DPYD: variants seen among roughly 807,000 people sequenced by gnomAD.
DPYD encodes the protein dihydropyrimidine dehydrogenase.
DPYD carries 109 observed loss-of-function variants against 116.2 expected under a neutral mutation model. The ratio of observed to expected loss-of-function variants is 0.94; its 90% confidence interval spans 0.80 to 1.10. The LOEUF (loss-of-function observed/expected upper bound fraction) is 1.10. Ranked by LOEUF, DPYD falls within the 50% of genes least tolerant of loss-of-function variation. DPYD has a pLI of 0.00. For missense variants in DPYD, 1,302 were observed against 1,254.5 expected (o/e 1.04, Z -0.57); for synonymous variants, 440 against 432.0 (o/e 1.02, Z -0.23).
chr1:97,761,251 A>T (rs1665556757), intron 3 of DPYD, among the ~76,000 whole-genome samples: 1 of 152,124 alleles, frequency 6.6e-6, no homozygotes, highest in Admixed American at 6.6e-5. Context: ...ACAAGGAAAA[A>T]CTAATACCAA....
chr1:97,498,234 A>G (rs1385535541), intron 13 of DPYD, among the ~76,000 whole-genome samples: 1 of 151,760 alleles, frequency 6.6e-6, no homozygotes, highest in East Asian at 1.9e-4. Context: ...TTTTGAAATT[A>G]GATAGTGATG....
At chr1:97,618,764 C>T (rs1160624972) in intron 8 of DPYD, among the ~76,000 whole-genome samples, 1 of 152,214 alleles carries the variant, frequency 6.6e-6, no homozygotes, top group East Asian at 1.9e-4. Context: ...GATTTTAATC[C>T]AGGCAATCAG....
At chr1:97,751,458 G>GTATATATATATATATATA (rs1345170970) in intron 3 of DPYD, among the ~76,000 whole-genome samples, 2 of 22,054 alleles carry the variant, frequency 9.1e-5, no homozygotes. Flanking sequence ...GTGTGTGTGT[G>GTATATATATATATATATA]TGTATATATA....
At chr1:97,385,641 A>T (rs1200093217) in intron 14 of DPYD, among the ~76,000 whole-genome samples, 2 of 152,036 alleles carry the variant, frequency 1.3e-5, no homozygotes, top group African/African-American at 4.8e-5. Flanking sequence ...GTGGCTGCTC[A>T]ATCAGCACAG....
chr1:97,550,482 T>C (rs774125920), intron 11 of DPYD, among the ~76,000 whole-genome samples: 1 of 152,090 alleles, frequency 6.6e-6, no homozygotes, highest in Non-Finnish European at 1.5e-5. Flanking sequence ...AAGAAAAATA[T>C]CTAACGAACA....
At chr1:97,600,920 TAAG>T (rs1198290652) in intron 8 of DPYD, among the ~76,000 whole-genome samples, 1 of 152,158 alleles carries the variant, frequency 6.6e-6, no homozygotes, top group Non-Finnish European at 1.5e-5. Flanking sequence ...TGTAGCCACA[TAAG>T]AGTATTATTC....
intron 16 of DPYD, among the ~76,000 whole-genome samples, chr1:97,333,970 G>C (rs1669160639): frequency 6.6e-6 from 1 of 152,176 alleles, no homozygotes; most frequent in Non-Finnish European, 1.5e-5. Context: ...GTTTTAGCCA[G>C]TGCTCAATTC....
At chr1:97,541,619 T>C (rs1253186803) in intron 12 of DPYD, among the ~76,000 whole-genome samples, 1 of 152,214 alleles carries the variant, frequency 6.6e-6, no homozygotes, top group African/African-American at 2.4e-5. Context: ...AATAAAATTA[T>C]AAGCTTTGGT....
rs202212118 is a variant in DPYD, at chr1:97,306,285, C to A, written c.2071G>T (p.Val691Leu). The change falls in exon 17 of 23, where the codon GTG becomes TTG. Residue 691 changes from valine (V) to leucine (L), a missense_variant. Val to Leu is a conservative substitution (Grantham distance 32). Transcript: ENST00000370192. ...CTAACCCAGCGGCAGATGTTCCGCA[C>A]CAGCTCTGGATCCTGTTCAAATAGG... Reference protein sequence around the residue: ...GLACGQDPELVRNICRWVRQA... With the variant: ...GLACGQDPELLRNICRWVRQA... 134 of 1,612,282 alleles carry A rather than the reference C, an allele frequency of 8.3e-5. 1 individual carries two copies. Among genetic ancestry groups the A allele is most frequent in the Admixed American group, 2.7e-4 (16 of 59,888 alleles).
Position 97,685,045 on chromosome 1 carries a change from G to A in DPYD, c.763-5863C>T, listed in dbSNP as rs926086340. On this transcript the variant is annotated intron_variant, in intron 7 of 22. Transcript: ENST00000370192. ...AAACCTGGCAGAGATACAACAAAAAGAGAAAACTTCAGGCCAATATCCCTG... is the reference window on the plus strand; with the variant it reads ...AAACCTGGCAGAGATACAACAAAAAAAGAAAACTTCAGGCCAATATCCCTG... Among the ~76,000 whole-genome samples the A allele has an allele frequency of 2.6e-5, 4 of 152,022 alleles. No individual in the cohort carries two copies. The South Asian group carries it at 6.2e-4, about 24-fold the overall frequency.
intron 13 of DPYD, among the ~76,000 whole-genome samples, chr1:97,470,371 A>G (rs930192606): frequency 1.3e-5 from 2 of 152,218 alleles, no homozygotes; most frequent in African/African-American, 2.4e-5. Flanking sequence ...AAAATAAAAA[A>G]GTGTATTTAG....
intron 20 of DPYD, among the ~76,000 whole-genome samples, chr1:97,173,569 C>T (rs1657036012): frequency 6.8e-6 from 1 of 147,672 alleles, no homozygotes; most frequent in Non-Finnish European, 1.5e-5. Flanking sequence ...TTTTTTTTAA[C>T]AATTGATCAT....
At chr1:97,353,751 AC>A in intron 16 of DPYD, among the ~76,000 whole-genome samples, 1 of 148,284 alleles carries the variant, frequency 6.7e-6, no homozygotes, top group Middle Eastern at 3.5e-3. Flanking sequence ...TTTTCCAGAA[AC>A]TGGACTTTTC....
chr1:97,079,319 G>T (rs571804294), intron 22 of DPYD, among the ~76,000 whole-genome samples, 173 bp from the exon 23 acceptor site: 14 of 152,286 alleles, frequency 9.2e-5, no homozygotes, highest in Admixed American at 7.8e-4. Context: ...GAAAAAAAGA[G>T]CGAGAAAAGA....
chr1:97,387,891 G>A (rs931796252), intron 14 of DPYD, among the ~76,000 whole-genome samples: 3 of 152,100 alleles, frequency 2.0e-5, no homozygotes, highest in South Asian at 2.1e-4. Flanking sequence ...GGGAGATTGG[G>A]TTTTATTGTT....
At chr1:97,742,028 T>C in intron 3 of DPYD, among the ~76,000 whole-genome samples, 1 of 151,994 alleles carries the variant, frequency 6.6e-6, no homozygotes, top group South Asian at 2.1e-4. Flanking sequence ...CGTGACAAGG[T>C]AGGTGAACTA....
At chr1:97,783,667 A>G (rs1666873619) in intron 3 of DPYD, among the ~76,000 whole-genome samples, 1 of 152,080 alleles carries the variant, frequency 6.6e-6, no homozygotes. Flanking sequence ...CTGAGATTAC[A>G]AGGTGTGAGC....
intron 1 of DPYD, among the ~76,000 whole-genome samples, chr1:97,911,293 G>A (rs1190935627): frequency 1.3e-5 from 2 of 151,944 alleles, no homozygotes; most frequent in Non-Finnish European, 2.9e-5. Flanking sequence ...TTACTGTCCA[G>A]TCTTGGAATG....
intron 3 of DPYD, among the ~76,000 whole-genome samples, chr1:97,764,264 A>T (rs974174363): frequency 6.6e-6 from 1 of 152,128 alleles, no homozygotes; most frequent in African/African-American, 2.4e-5. Context: ...ATAAATGCAT[A>T]GTTAGATCCA....
Sources: gnomAD v4.1 joint callset for allele counts (sites outside exome capture counted in the v4.1 genomes callset) on GRCh38, gnomAD v4.1.1 for gene constraint, MANE v1.5 for transcripts, NCBI Gene and HGNC (gene_info 2026-07-23, HGNC 2026-07-21) for gene names.